Variants in CSRNP3 observed in about 807,000 individuals in gnomAD.
CSRNP3 encodes the protein cysteine/serine-rich nuclear protein 3.
In CSRNP3, 12 loss-of-function variants were observed where a neutral mutation model predicts 48.0. The observed-to-expected ratio is 0.25, with a 90% CI of 0.16 to 0.41. The LOEUF (loss-of-function observed/expected upper bound fraction) is 0.41. Ranked by LOEUF, CSRNP3 falls within the 10% of genes least tolerant of loss-of-function variation. The pLI is 1.00. For missense variants in CSRNP3, 580 were observed against 724.4 expected (o/e 0.80, Z 2.29); for synonymous variants, 263 against 269.7 (o/e 0.98, Z 0.24).
intron 3 of CSRNP3, among the ~76,000 whole-genome samples, chr2:165,562,727 A>G (rs1685249978): frequency 6.6e-6 from 1 of 152,222 alleles, no homozygotes; most frequent in African/African-American, 2.4e-5. Flanking sequence ...TGGACTCTAA[A>G]GATATAAATA....
At chr2:165,565,255 A>G (rs761600723) in intron 3 of CSRNP3, among the ~76,000 whole-genome samples, 1 of 152,120 alleles carries the variant, frequency 6.6e-6, no homozygotes, top group Admixed American at 6.6e-5. Flanking sequence ...GGCTATTCAC[A>G]TAAGAAAGTC....
chr2:165,503,211 T>A (rs1382974310), intron 2 of CSRNP3, among the ~76,000 whole-genome samples: 1 of 152,006 alleles, frequency 6.6e-6, no homozygotes, highest in East Asian at 1.9e-4. Flanking sequence ...AGGATTTTCA[T>A]AAATTTCTAT....
chr2:165,646,876 A>T (rs951277355), intron 4 of CSRNP3, among the ~76,000 whole-genome samples: 1 of 152,084 alleles, frequency 6.6e-6, no homozygotes. Flanking sequence ...GATGTTATTC[A>T]TATTGAGATT....
chr2:165,547,609 A>G (rs984218218), intron 3 of CSRNP3, among the ~76,000 whole-genome samples: 1 of 152,008 alleles, frequency 6.6e-6, no homozygotes, highest in Non-Finnish European at 1.5e-5. Context: ...AGAATGCAAA[A>G]TGTGCCCAAT....
At chr2:165,470,137 C>T (rs1397710142) in intron 1 of CSRNP3, among the ~76,000 whole-genome samples, 2 of 152,008 alleles carry the variant, frequency 1.3e-5, no homozygotes, top group East Asian at 3.9e-4. Context: ...GAAAATGGAG[C>T]CTTCTGTGAA....
At chr2:165,560,609 C>T (rs1339486632) in intron 3 of CSRNP3, among the ~76,000 whole-genome samples, 2 of 152,186 alleles carry the variant, frequency 1.3e-5, no homozygotes, top group Non-Finnish European at 2.9e-5. Context: ...ATAGAGTCCA[C>T]CTAAACCACA....
rs1436161421 is a variant in CSRNP3 at position 165,528,803 on chromosome 2, G to A, written c.-24+10842G>A. On this transcript the variant is annotated intron_variant, in intron 3 of 6. Coordinates refer to ENST00000651982, the MANE Select transcript of CSRNP3 (RefSeq NM_001172173.2). ...CTGGAGTGGCCGCTGCTATCATGCC[G>A]GCTGCAGCAGGGAGGTGCAGCTGGG... Among the ~76,000 whole-genome samples the A allele has an allele frequency of 5.3e-5, 8 of 152,176 alleles. No homozygotes were observed. The South Asian group carries it at 6.2e-4, about 12-fold the overall frequency.
intron 4 of CSRNP3, among the ~76,000 whole-genome samples, chr2:165,637,049 A>C (rs1470528572): frequency 1.3e-5 from 2 of 152,284 alleles, no homozygotes; most frequent in Non-Finnish European, 2.9e-5. Flanking sequence ...TTTTAGCTAA[A>C]ATTTCTGATA....
chr2:165,586,095 A>G (rs540571525), intron 3 of CSRNP3, among the ~76,000 whole-genome samples: 75 of 152,308 alleles, frequency 4.9e-4, no homozygotes, highest in African/African-American at 1.7e-3. Context: ...TCTCATTACC[A>G]TATAAGAAAA....
At chr2:165,527,363 G>A (rs1558925511) in intron 3 of CSRNP3, among the ~76,000 whole-genome samples, 2 of 151,610 alleles carry the variant, frequency 1.3e-5, no homozygotes, top group Middle Eastern at 3.4e-3. Flanking sequence ...CCACCACCAC[G>A]CCCAGCTAAT....
Position 165,686,071 on chromosome 2 carries a change from A to G in CSRNP3, c.*6318A>G, listed in dbSNP as rs1687625746. ...GTAACTTTAGAGTAGCTTCTTTGTT[A>G]GAGGATCTCTTTCCTTTCTCTTTTG... On this transcript the variant is annotated 3_prime_UTR_variant, in exon 7 of 7. Coordinates refer to ENST00000651982, the MANE Select transcript of CSRNP3 (RefSeq NM_001172173.2). 6.6e-6 allele frequency: 1 copy of G among 152,094 alleles called. No homozygotes were observed. Among genetic ancestry groups the G allele is most frequent in the Non-Finnish European group, 1.5e-5 (1 of 67,990 alleles). 9.4% of individuals were successfully genotyped at this position (152,094 alleles called of 1,614,324 possible).
intron 3 of CSRNP3, among the ~76,000 whole-genome samples, chr2:165,521,805 G>A (rs1288858787): frequency 6.6e-6 from 1 of 152,068 alleles, no homozygotes; most frequent in Non-Finnish European, 1.5e-5. Flanking sequence ...GATGCCATTG[G>A]CACTTCATCT....
chr2:165,473,734 G>T (rs1683922624), intron 1 of CSRNP3, among the ~76,000 whole-genome samples: 1 of 152,118 alleles, frequency 6.6e-6, no homozygotes, highest in Non-Finnish European at 1.5e-5. Context: ...ATATCTCAAT[G>T]AATCAGTTGG....
At chr2:165,583,363 C>G (rs1231775278) in intron 3 of CSRNP3, among the ~76,000 whole-genome samples, 1 of 152,070 alleles carries the variant, frequency 6.6e-6, no homozygotes, top group African/African-American at 2.4e-5. Flanking sequence ...CAATTACATT[C>G]AATATGGCTT....
chr2:165,629,840 A>G (rs540100399), intron 4 of CSRNP3, among the ~76,000 whole-genome samples: 1 of 152,120 alleles, frequency 6.6e-6, no homozygotes, highest in East Asian at 1.9e-4. Flanking sequence ...TTTCATCTTT[A>G]TTTGTCTTCA....
intron 3 of CSRNP3, among the ~76,000 whole-genome samples, chr2:165,533,404 T>C (rs1684840689): frequency 6.6e-6 from 1 of 152,090 alleles, no homozygotes; most frequent in African/African-American, 2.4e-5. Context: ...AAGCCAATCC[T>C]CCATTTACAC....
At chr2:165,601,227 G>A (rs988423949) in intron 4 of CSRNP3, among the ~76,000 whole-genome samples, 1 of 152,180 alleles carries the variant, frequency 6.6e-6, no homozygotes, top group Admixed American at 6.5e-5. Flanking sequence ...CTGTCAAGAG[G>A]AGAGCTACAG....
chr2:165,628,979 A>AGGT (rs1686486685), intron 4 of CSRNP3, among the ~76,000 whole-genome samples: 1 of 152,338 alleles, frequency 6.6e-6, no homozygotes, highest in African/African-American at 2.4e-5. Flanking sequence ...CAAGTCTTTC[A>AGGT]GGTGGTAGAA....
chr2:165,612,665 A>G (rs1177991078), intron 4 of CSRNP3, among the ~76,000 whole-genome samples: 2 of 151,958 alleles, frequency 1.3e-5, no homozygotes, highest in Non-Finnish European at 2.9e-5. Context: ...CATATAAATG[A>G]GAACATGAGT....
Sources: allele counts gnomAD v4.1 joint callset (sites outside exome capture counted in the v4.1 genomes callset), GRCh38; gene constraint gnomAD v4.1.1; transcripts MANE v1.5; gene names NCBI Gene and HGNC (gene_info 2026-07-23, HGNC 2026-07-21).